XKR6: variants seen among roughly 807,000 people sequenced by gnomAD.
XKR6 encodes XK related 6.
Under a neutral mutation model 56.7 loss-of-function variants are expected in XKR6, and 22 were observed. That is an observed-to-expected ratio of 0.39 (90% CI 0.28 to 0.55). XKR6 has a LOEUF of 0.55. Ranked by LOEUF, XKR6 falls within the 20% of genes least tolerant of loss-of-function variation. The pLI, the probability that XKR6 is intolerant of heterozygous loss-of-function variation, is 0.66. For synonymous variants in XKR6, 524 were observed against 387.8 expected (o/e 1.35, Z -4.13); for missense variants, 852 against 889.0 (o/e 0.96, Z 0.53).
chr8:11,008,147 G>A (rs1208421326), intron 1 of XKR6, among the ~76,000 whole-genome samples: 1 of 152,210 alleles, frequency 6.6e-6, no homozygotes, highest in Non-Finnish European at 1.5e-5. Context: ...ACGATGCCCT[G>A]TCCTGCTCAA....
chr8:11,111,222 C>T (rs1006429815), intron 1 of XKR6, among the ~76,000 whole-genome samples: 1 of 152,028 alleles, frequency 6.6e-6, no homozygotes, highest in African/African-American at 2.4e-5. Context: ...CTCCTCCCTT[C>T]CATTCACACT....
intron 1 of XKR6, among the ~76,000 whole-genome samples, chr8:11,041,334 G>C (rs936977224): frequency 2.6e-5 from 4 of 152,178 alleles, no homozygotes; most frequent in African/African-American, 9.7e-5. Context: ...AAGGCAGACG[G>C]ATCACAAGGT....
intron 1 of XKR6, among the ~76,000 whole-genome samples, chr8:11,163,470 T>G (rs1454418247): frequency 9.9e-5 from 15 of 152,242 alleles, no homozygotes; most frequent in Admixed American, 9.2e-4. Flanking sequence ...CAAATCTGCA[T>G]ACACCATGTC....
intron 1 of XKR6, among the ~76,000 whole-genome samples, chr8:11,001,554 C>A (rs1249029365): frequency 6.6e-6 from 1 of 152,240 alleles, no homozygotes; most frequent in African/African-American, 2.4e-5. Flanking sequence ...TATAGCCAGT[C>A]CTTGGATCCC....
chr8:11,137,812 C>T (rs1800483120), intron 1 of XKR6: 3 of 396,396 alleles, frequency 7.6e-6, no homozygotes, highest in Admixed American at 3.2e-5. Flanking sequence ...TTCTGAACTG[C>T]ACCGCAACTC....
intron 1 of XKR6, among the ~76,000 whole-genome samples, chr8:11,041,983 A>G (rs922544243): frequency 2.6e-5 from 4 of 152,226 alleles, no homozygotes; most frequent in African/African-American, 9.6e-5. Context: ...GTGTGTGTAT[A>G]AAGTCCTCTT....
intron 1 of XKR6, among the ~76,000 whole-genome samples, chr8:11,195,759 C>T (rs554566981): frequency 5.9e-5 from 9 of 151,946 alleles, no homozygotes; most frequent in Non-Finnish European, 8.8e-5. Flanking sequence ...CGCCATTCTC[C>T]TGCCTCGGCC....
chr8:11,171,858 GCATGGCAAA>G (rs1802389191), intron 1 of XKR6, among the ~76,000 whole-genome samples: 1 of 151,688 alleles, frequency 6.6e-6, no homozygotes, highest in African/African-American at 2.4e-5. Context: ...TTCAACACCA[GCATGGCAAA>G]CATGGTGAAA....
intron 1 of XKR6, among the ~76,000 whole-genome samples, chr8:11,187,537 G>A (rs1803337541): frequency 6.6e-6 from 1 of 152,108 alleles, no homozygotes; most frequent in Non-Finnish European, 1.5e-5. Flanking sequence ...GTTCACGAGT[G>A]GTTCTTCCCA....
At chr8:10,909,636 C>A (rs1229140725) in intron 2 of XKR6, among the ~76,000 whole-genome samples, 2 of 152,166 alleles carry the variant, frequency 1.3e-5, no homozygotes, top group Admixed American at 6.5e-5. Flanking sequence ...GATCATAATC[C>A]CCATTGCTAG....
Position 10,913,103 on chromosome 8 carries a change from G to GTA in XKR6, c.961+11529_961+11530dup, listed in dbSNP as rs1458344523. 2.6e-5 allele frequency among the ~76,000 whole-genome samples: 4 copies of GTA among 151,196 alleles called. No individual in the cohort carries two copies. The East Asian group carries it at 5.8e-4, about 22-fold the overall frequency. On this transcript the variant is annotated intron_variant, in intron 2 of 2. Transcript: ENST00000416569. ...GAGTATATCTATATATAGAGAGAGA[G>GTA]TATATATATAGAGGGTGTGTATGTA...
chr8:10,946,206 A>C (rs1563304175), intron 1 of XKR6, among the ~76,000 whole-genome samples: 1 of 152,018 alleles, frequency 6.6e-6, no homozygotes, highest in Non-Finnish European at 1.5e-5. Context: ...CAGGTTGCCC[A>C]TGGGGAATGG....
At chr8:10,946,933 C>T (rs911735469) in intron 1 of XKR6, among the ~76,000 whole-genome samples, 3 of 152,034 alleles carry the variant, frequency 2.0e-5, no homozygotes, top group African/African-American at 7.2e-5. Context: ...TCCAGGTAGA[C>T]AGTTCCAGAG....
At chr8:11,178,547 A>AATATATATATATATATATATATATATGT (rs1452758341) in intron 1 of XKR6, among the ~76,000 whole-genome samples, 1 of 88,508 alleles carries the variant, frequency 1.1e-5, no homozygotes, top group Admixed American at 1.1e-4. Context: ...GAGAGGTAAA[A>AATATATATATATATATATATATATATGT]ATATATATAT....
At chr8:11,193,732 G>A (rs1803709349) in intron 1 of XKR6, among the ~76,000 whole-genome samples, 1 of 118,912 alleles carries the variant, frequency 8.4e-6, no homozygotes, top group Non-Finnish European at 1.7e-5. Flanking sequence ...TAATTTTAAG[G>A]TTCTGACCCC....
intron 1 of XKR6, among the ~76,000 whole-genome samples, chr8:11,071,104 T>C (rs1197655113): frequency 1.3e-5 from 2 of 152,222 alleles, no homozygotes; most frequent in Non-Finnish European, 2.9e-5. Flanking sequence ...TGTTTGTTAA[T>C]GGATACTCAT....
chr8:10,925,866 C>T (rs1233537077), intron 1 of XKR6, among the ~76,000 whole-genome samples: 16 of 152,156 alleles, frequency 1.1e-4, no homozygotes, highest in Admixed American at 1.0e-3. Context: ...GGACTTAAGG[C>T]ACCATCCAAA....
chr8:10,904,933 C>T lies in XKR6; in HGVS notation c.962-6017G>A, dbSNP rs188472820. Among the ~76,000 whole-genome samples the T allele has an allele frequency of 8.5e-5, 13 of 152,330 alleles. No homozygotes were observed. The East Asian group carries it at 2.1e-3, about 25-fold the overall frequency. On this transcript the variant is annotated intron_variant, in intron 2 of 2. Coordinates refer to ENST00000416569, the MANE Select transcript of XKR6 (RefSeq NM_173683.4). ...ACCGAGAGCGTCAGCTCAGCCCCAC[C>T]GCTAAGTCATGTGTCGGAAACACAC... is the stretch of plus-strand genomic sequence containing the variant.
chr8:11,002,997 A>G (rs1027443169), intron 1 of XKR6, among the ~76,000 whole-genome samples: 6 of 151,928 alleles, frequency 3.9e-5, no homozygotes, highest in African/African-American at 1.5e-4. Context: ...TAAGGGGACC[A>G]CTGAAAAAAA....
Sources: gnomAD v4.1 joint callset for allele counts (sites outside exome capture counted in the v4.1 genomes callset) on GRCh38, gnomAD v4.1.1 for gene constraint, MANE v1.5 for transcripts, NCBI Gene and HGNC (gene_info 2026-07-23, HGNC 2026-07-21) for gene names.